The following RPS6KC1 variants were observed in gnomAD, a reference collection of about 807,000 sequenced individuals.
RPS6KC1 encodes the protein ribosomal protein S6 kinase C1.
In RPS6KC1, 54 loss-of-function variants were observed where a neutral mutation model predicts 103.8. The observed-to-expected ratio is 0.52, with a 90% confidence interval of 0.42 to 0.65. The LOEUF (loss-of-function observed/expected upper bound fraction) is 0.65. Ranked by LOEUF, RPS6KC1 falls within the 30% of genes least tolerant of loss-of-function variation. The pLI is 0.00. For synonymous variants in RPS6KC1, 439 were observed against 438.7 expected (o/e 1.00, Z -0.01); for missense variants, 1,151 against 1,253.8 (o/e 0.92, Z 1.24).
At chr1:213,289,579 T>G in the RPS6KC1 span, among the ~76,000 whole-genome samples, 4 of 152,192 alleles carry the variant, frequency 2.6e-5, no homozygotes, top group Admixed American at 6.5e-5. Flanking sequence ...TAGGGGAAAG[T>G]TGTTTCCATT....
chr1:213,300,304 A>T, the RPS6KC1 span, among the ~76,000 whole-genome samples: 1 of 152,226 alleles, frequency 6.6e-6, no homozygotes, highest in Non-Finnish European at 1.5e-5. Flanking sequence ...ACAGGTGCCT[A>T]ATGGCCACTG....
At chr1:213,701,246 G>GTT in the RPS6KC1 span, among the ~76,000 whole-genome samples, 1 of 151,414 alleles carries the variant, frequency 6.6e-6, no homozygotes, top group East Asian at 1.9e-4. Context: ...TTTTTTGAGG[G>GTT]TTTTTTTTAT....
the RPS6KC1 span, among the ~76,000 whole-genome samples, chr1:213,511,521 A>T: frequency 6.6e-6 from 1 of 152,100 alleles, no homozygotes; most frequent in Non-Finnish European, 1.5e-5. Context: ...TAGGGATGGG[A>T]TTCCTTCACC....
chr1:213,090,283 C>T (rs2080843709), intron 3 of RPS6KC1, among the ~76,000 whole-genome samples: 1 of 152,182 alleles, frequency 6.6e-6, no homozygotes, highest in African/African-American at 2.4e-5. Context: ...AAGAACCCTG[C>T]CTTGCCCTTT....
chr1:213,496,603 C>T, the RPS6KC1 span, among the ~76,000 whole-genome samples: 1 of 152,050 alleles, frequency 6.6e-6, no homozygotes, highest in Non-Finnish European at 1.5e-5. Flanking sequence ...ACTAAAAATA[C>T]AAAAATTAGC....
intron 5 of RPS6KC1, among the ~76,000 whole-genome samples, chr1:213,126,545 T>G (rs2085012182): frequency 6.6e-6 from 1 of 152,184 alleles, no homozygotes; most frequent in Non-Finnish European, 1.5e-5. Context: ...TAACTTACTT[T>G]ATTTGATATG....
At chr1:213,495,103 A>G in the RPS6KC1 span, among the ~76,000 whole-genome samples, 2 of 152,196 alleles carry the variant, frequency 1.3e-5, no homozygotes, top group African/African-American at 2.4e-5. Context: ...TCAAATACAC[A>G]AGGTTTAGAA....
chr1:213,707,528 C>T, the RPS6KC1 span, among the ~76,000 whole-genome samples: 1 of 152,126 alleles, frequency 6.6e-6, no homozygotes, highest in East Asian at 1.9e-4. Flanking sequence ...GTTTCTATTG[C>T]TGTACAGAAG....
At chr1:213,448,383 T>C in the RPS6KC1 span, among the ~76,000 whole-genome samples, 1 of 152,134 alleles carries the variant, frequency 6.6e-6, no homozygotes, top group African/African-American at 2.4e-5. Context: ...TGGGAATCTG[T>C]GTGTTTTTCG....
the RPS6KC1 span, among the ~76,000 whole-genome samples, chr1:213,662,687 T>A: frequency 6.6e-6 from 1 of 152,140 alleles, no homozygotes; most frequent in African/African-American, 2.4e-5. Context: ...CCTGGGTCTC[T>A]TCATTTCCCA....
At chr1:213,477,578 T>C in the RPS6KC1 span, among the ~76,000 whole-genome samples, 1 of 152,224 alleles carries the variant, frequency 6.6e-6, no homozygotes, top group African/African-American at 2.4e-5. Flanking sequence ...TACTGATCTA[T>C]ATTTCTGATA....
intron 8 of RPS6KC1, among the ~76,000 whole-genome samples, chr1:213,215,064 A>G (rs1392106264): frequency 2.0e-5 from 3 of 152,222 alleles, no homozygotes; most frequent in Non-Finnish European, 2.9e-5. Flanking sequence ...AAGGCTTCAG[A>G]CTATCAAACT....
the RPS6KC1 span, among the ~76,000 whole-genome samples, chr1:213,837,582 G>A: frequency 7.9e-5 from 12 of 152,138 alleles, no homozygotes; most frequent in African/African-American, 2.2e-4. Flanking sequence ...GAAAGAGGAG[G>A]GAGAGACACA....
chr1:213,060,997 A>G (rs2077784881), intron 1 of RPS6KC1, among the ~76,000 whole-genome samples: 9 of 151,832 alleles, frequency 5.9e-5, no homozygotes, highest in Admixed American at 5.9e-4. Flanking sequence ...CAGCAGATTT[A>G]ATACCTGATG....
intron 12 of RPS6KC1, among the ~76,000 whole-genome samples, chr1:213,251,741 CT>C (rs1257713000): frequency 6.6e-6 from 1 of 152,216 alleles, no homozygotes; most frequent in African/African-American, 2.4e-5. Flanking sequence ...TTTGGAGGTG[CT>C]TTGAATGCCT....
chr1:213,345,034 C>T, the RPS6KC1 span, among the ~76,000 whole-genome samples: 1 of 152,146 alleles, frequency 6.6e-6, no homozygotes, highest in Non-Finnish European at 1.5e-5. Flanking sequence ...TCAAGTTGTA[C>T]ACGTTTAATG....
chr1:213,357,218 G>T, the RPS6KC1 span, among the ~76,000 whole-genome samples: 2 of 152,096 alleles, frequency 1.3e-5, no homozygotes, highest in Non-Finnish European at 2.9e-5. Flanking sequence ...GTTAGGCAAC[G>T]ACTCCTCAAA....
At chr1:213,329,612 C>G in the RPS6KC1 span, among the ~76,000 whole-genome samples, 1 of 151,904 alleles carries the variant, frequency 6.6e-6, no homozygotes, top group Non-Finnish European at 1.5e-5. Flanking sequence ...CCTCATATCC[C>G]TTCATCAGAA....
the RPS6KC1 span, among the ~76,000 whole-genome samples, chr1:213,799,218 A>G: frequency 6.6e-6 from 1 of 152,322 alleles, no homozygotes; most frequent in Non-Finnish European, 1.5e-5. Flanking sequence ...CTCTTACTGA[A>G]TTTATTTATC....
Sources: gnomAD v4.1 joint callset for allele counts (sites outside exome capture counted in the v4.1 genomes callset) on GRCh38, gnomAD v4.1.1 for gene constraint, MANE v1.5 for transcripts, NCBI Gene and HGNC (gene_info 2026-07-23, HGNC 2026-07-21) for gene names.